Variants in TRIM36 observed in about 807,000 individuals in gnomAD.
TRIM36 encodes the protein E3 ubiquitin-protein ligase TRIM36.
In TRIM36, 42 loss-of-function variants were observed where a neutral mutation model predicts 72.4. The ratio of observed to expected loss-of-function variants is 0.58; its 90% CI spans 0.45 to 0.75. The LOEUF (loss-of-function observed/expected upper bound fraction) is 0.75. TRIM36 is among the 30% of genes least tolerant of loss of function. TRIM36 has a pLI of 0.00. For synonymous variants in TRIM36, 315 were observed against 282.8 expected (o/e 1.11, Z -1.14); for missense variants, 913 against 857.1 (o/e 1.07, Z -0.81).
At chr5:115,168,372 T>C (rs1255725475) in intron 1 of TRIM36, among the ~76,000 whole-genome samples, 3 of 152,200 alleles carry the variant, frequency 2.0e-5, no homozygotes, top group Non-Finnish European at 4.4e-5. Flanking sequence ...AGACTTCATA[T>C]CTATGAATCC....
At chr5:115,159,247 T>C (rs2112892108) in intron 2 of TRIM36, among the ~76,000 whole-genome samples, 1 of 152,248 alleles carries the variant, frequency 6.6e-6, no homozygotes, top group Admixed American at 6.5e-5. Flanking sequence ...AATCAATACC[T>C]TTAATCAAAT....
At chr5:115,148,054 G>GTT (rs1371019434) in intron 2 of TRIM36, among the ~76,000 whole-genome samples, 3 of 152,166 alleles carry the variant, frequency 2.0e-5, no homozygotes, top group African/African-American at 7.2e-5. Context: ...CAGTAGGGAA[G>GTT]ATCATTAGTT....
intron 4 of TRIM36, among the ~76,000 whole-genome samples, chr5:115,142,123 A>T (rs962574726): frequency 3.9e-5 from 6 of 152,188 alleles, no homozygotes; most frequent in Non-Finnish European, 7.3e-5. Context: ...AATAAGAATA[A>T]GAACATCCAG....
chr5:115,132,232 A>T (rs1317378271), intron 8 of TRIM36, among the ~76,000 whole-genome samples: 5 of 150,760 alleles, frequency 3.3e-5, no homozygotes, highest in South Asian at 2.1e-4. Context: ...ATATATATAT[A>T]TTTTAAACAG....
upstream of TRIM36, chr5:115,170,067 C>T: frequency 1.3e-6 from 1 of 776,772 alleles, no homozygotes; most frequent in Non-Finnish European, 1.6e-6. Context: ...CTGAGCGGGA[C>T]TCGGCTGGGC....
At chr5:115,155,263 G>T (rs111783047) in intron 2 of TRIM36, among the ~76,000 whole-genome samples, 1 of 152,132 alleles carries the variant, frequency 6.6e-6, no homozygotes, top group African/African-American at 2.4e-5. Flanking sequence ...CAGGAGAATC[G>T]CTTGAACCAG....
At chr5:115,172,074 T>C (rs1755139996), upstream of TRIM36, among the ~76,000 whole-genome samples, 3 of 152,236 alleles carry the variant, frequency 2.0e-5, no homozygotes, top group African/African-American at 4.8e-5. Flanking sequence ...TGAATATTTT[T>C]GTGCCTCAAA....
chr5:115,161,703 C>G (rs1193047304), intron 2 of TRIM36, among the ~76,000 whole-genome samples: 1 of 152,178 alleles, frequency 6.6e-6, no homozygotes, highest in Non-Finnish European at 1.5e-5. Context: ...TCTCCACAGT[C>G]CCAAACCACA....
At chr5:115,144,116 C>T (rs1056338864) in intron 4 of TRIM36, among the ~76,000 whole-genome samples, 16 of 151,924 alleles carry the variant, frequency 1.1e-4, no homozygotes, top group Non-Finnish European at 2.1e-4. Context: ...CCTCGTGATC[C>T]GCCCGCCTCG....
rs1265717211 is a variant in TRIM36 at position 115,126,627 on chromosome 5, A to AG, written c.2026dup (p.Leu676ProfsTer3). ...TGAACAGTCCACTTGGCGTTCATAAAGGCATTTCATCTGATCCATATCATA... is the reference window on the plus strand; with the variant it reads ...TGAACAGTCCACTTGGCGTTCATAAAGGGCATTTCATCTGATCCATATCATA... On this transcript the variant is annotated frameshift_variant, in exon 10 of 10. Coordinates refer to ENST00000513154, the MANE Select transcript of TRIM36 (RefSeq NM_001300759.2). LOFTEE classifies it high-confidence loss of function. 12 of 1,614,050 alleles carry AG rather than the reference A, an allele frequency of 7.4e-6. No individual in the cohort carries two copies. The highest frequency in any genetic ancestry group is 1.3e-5 in the African/African-American group (1 of 74,940).
intron 2 of TRIM36, among the ~76,000 whole-genome samples, chr5:115,151,909 A>G (rs767434992): frequency 1.3e-5 from 2 of 152,228 alleles, no homozygotes; most frequent in Non-Finnish European, 2.9e-5. Context: ...TTCCTCTGAC[A>G]GAGCCTACCG....
At chr5:115,170,479 G>C (rs1436204058), upstream of TRIM36, among the ~76,000 whole-genome samples, 1 of 152,174 alleles carries the variant, frequency 6.6e-6, no homozygotes, top group Non-Finnish European at 1.5e-5. Flanking sequence ...GAGGCGACCA[G>C]AGTGAGACCC....
chr5:115,174,267 C>T (rs1755240708), upstream of TRIM36: 1 of 152,060 alleles, frequency 6.6e-6, no homozygotes, highest in Non-Finnish European at 1.5e-5. Context: ...ATATACTAAA[C>T]AAGAAATAGA....
intron 1 of TRIM36, among the ~76,000 whole-genome samples, chr5:115,176,059 A>G (rs950728660): frequency 6.6e-6 from 1 of 152,168 alleles, no homozygotes; most frequent in Non-Finnish European, 1.5e-5. Flanking sequence ...CCAGAAGTGA[A>G]GGTTGCAGTG....
chr5:115,179,894 G>C, intron 1 of TRIM36: 1 of 1,415,016 alleles, frequency 7.1e-7, no homozygotes, highest in Non-Finnish European at 9.9e-7. Context: ...CGCTGGAATG[G>C]ACACGGACGC....
upstream of TRIM36, among the ~76,000 whole-genome samples, chr5:115,173,375 G>C (rs3805589): frequency 0.42 from 64,303 of 152,016 alleles, 15,562 homozygotes; most frequent in African/African-American, 0.68. Context: ...CCTATAAGTT[G>C]AGTATTTACA....
intron 8 of TRIM36, 132 bp downstream of exon 8, chr5:115,133,728 T>C: frequency 2.3e-6 from 2 of 851,442 alleles, no homozygotes; most frequent in Non-Finnish European, 3.3e-6. Context: ...GGATAGAAGC[T>C]ACTTTTCTGG....
At chr5:115,132,223 T>C (rs1580640635) in intron 8 of TRIM36, among the ~76,000 whole-genome samples, 1 of 150,866 alleles carries the variant, frequency 6.6e-6, no homozygotes, top group Non-Finnish European at 1.5e-5. Flanking sequence ...TATATACATA[T>C]ATATATATAT....
At chr5:115,178,587 T>C (rs1181070334) in intron 1 of TRIM36, among the ~76,000 whole-genome samples, 1 of 152,170 alleles carries the variant, frequency 6.6e-6, no homozygotes, top group African/African-American at 2.4e-5. Context: ...GGGCTGCTGC[T>C]GGGGCGACAA....
Sources: allele counts gnomAD v4.1 joint callset (sites outside exome capture counted in the v4.1 genomes callset), GRCh38; gene constraint gnomAD v4.1.1; transcripts MANE v1.5; gene names NCBI Gene and HGNC (gene_info 2026-07-23, HGNC 2026-07-21).